RPL31: variants seen among roughly 807,000 people sequenced by gnomAD.
RPL31 encodes the protein ribosomal protein L31.
For synonymous variants in RPL31, 51 were observed against 55.0 expected (o/e 0.93, Z 0.32); for missense variants, 95 against 164.0 (o/e 0.58, Z 2.30).
intron 4 of RPL31, among the ~76,000 whole-genome samples, chr2:101,016,128 G>A (rs184560886): frequency 6.6e-6 from 1 of 152,284 alleles, no homozygotes; most frequent in Non-Finnish European, 1.5e-5. Context: ...CCATCAGAGT[G>A]AACACGCAAT....
chr2:101,018,966 G>A (rs749118890), intron 4 of RPL31: 3 of 1,607,668 alleles, frequency 1.9e-6, no homozygotes, highest in African/African-American at 2.7e-5. Flanking sequence ...ACCTGACATG[G>A]TACCAAATCA....
chr2:101,013,382 G>A (rs1262358853), intron 4 of RPL31, among the ~76,000 whole-genome samples: 1 of 152,150 alleles, frequency 6.6e-6, no homozygotes, highest in East Asian at 1.9e-4. Context: ...AGATATTTGG[G>A]CTGTTTAAAC....
In RPL31 at chr2:101,013,305, A is replaced by C. The variant is rs1444142168; in HGVS notation, c.347-5693A>C. On this transcript the variant is annotated intron_variant, in intron 4 of 4. Transcript: ENST00000409028. ...TGATCAGAAGGATAGGATATTATGC[A>C]TTATGGGAAATAGTAACTACTAAGA... 2.0e-5 allele frequency among the ~76,000 whole-genome samples: 3 copies of C among 152,240 alleles called. No individual in the cohort carries two copies. The East Asian group carries it at 5.8e-4, about 29-fold the overall frequency.
At chr2:101,018,964 T>C in intron 4 of RPL31, 3 of 1,607,172 alleles carry the variant, frequency 1.9e-6, no homozygotes, top group Non-Finnish European at 2.5e-6. Flanking sequence ...TTACCTGACA[T>C]GGTACCAAAT....
chr2:101,004,441 C>A, intron 3 of RPL31, 158 bp downstream of exon 3: 1 of 721,228 alleles, frequency 1.4e-6, no homozygotes, highest in Non-Finnish European at 2.2e-6. Context: ...GTAGTATCTG[C>A]AGGGAAGCCC....
downstream of RPL31, chr2:101,007,658 T>C (rs1264755305): frequency 2.9e-6 from 2 of 688,616 alleles, no homozygotes; most frequent in East Asian, 2.6e-5. Flanking sequence ...TAGAAATGCT[T>C]GAGGGTTGTG....
rs1489736721 is a variant in RPL31, at chr2:101,004,393, AT to A, written c.233+111del. 7 of 1,154,004 alleles carry A rather than the reference AT, an allele frequency of 6.1e-6. No homozygotes were observed. The African/African-American group carries it at 6.7e-5, about 11-fold the overall frequency. 71.5% of individuals were successfully genotyped at this position (1,154,004 alleles called of 1,614,324 possible). A position where few individuals can be genotyped will look rare whatever the true frequency, so the allele number is the denominator to read the frequency against. ...TAATTTGGTTAATGCATGTGGAAGT[AT>A]AAAAAAAAAAAATACTGTGACCGTG... On this transcript the variant is annotated intron_variant, in intron 3 of 4. Coordinates refer to ENST00000264258, the MANE Select transcript of RPL31 (RefSeq NM_000993.5).
At chr2:101,014,536 G>A (rs1230982658) in intron 4 of RPL31, among the ~76,000 whole-genome samples, 1 of 152,146 alleles carries the variant, frequency 6.6e-6, no homozygotes, top group Non-Finnish European at 1.5e-5. Flanking sequence ...TAGAATGACT[G>A]TTTTTTCCCT....
rs571128848 is a variant in RPL31, at chr2:101,002,289, C to T, written c.-27C>T. On this transcript the variant is annotated 5_prime_UTR_variant, in exon 1 of 5. Coordinates refer to ENST00000264258, the MANE Select transcript of RPL31 (RefSeq NM_000993.5). Reference sequence around the variant, plus strand: ...TCCTTCTCCCACAATCCTTCGCGCTCTTCCTTTCCAACTTGGACGCTGCAG... The same window carrying T: ...TCCTTCTCCCACAATCCTTCGCGCTTTTCCTTTCCAACTTGGACGCTGCAG... The T allele has an allele frequency of 1.9e-4, 31 of 165,358 alleles. No homozygotes were observed. Among genetic ancestry groups the T allele is most frequent in the African/African-American group, 3.3e-4 (14 of 41,844 alleles). 10.2% of individuals were successfully genotyped at this position (165,358 alleles called of 1,614,324 possible).
intron 4 of RPL31, among the ~76,000 whole-genome samples, chr2:101,013,976 T>C (rs906653121): frequency 6.6e-6 from 1 of 152,224 alleles, no homozygotes; most frequent in African/African-American, 2.4e-5. Flanking sequence ...GAAATTCCAA[T>C]ACAGCCAAGT....
chr2:101,005,975 A>G lies in RPL31; in HGVS notation c.250A>G (p.Ile84Val). ...TTTTATTAGGAATGTGCCATACCGA[A>G]TCCGTGTGCGGCTGTCCAGAAAACG... ...AKGIRNVPYR[I>V]RVRLSRKRNE... Residue 84 changes from isoleucine (I) to valine (V), a missense_variant, in exon 4 of 5, where the codon ATC (isoleucine) becomes GTC (valine). Ile to Val is a conservative substitution (Grantham distance 29, BLOSUM62 3). Transcript: ENST00000264258. The G allele has an allele frequency of 6.2e-7, 1 of 1,612,828 alleles. No homozygotes were observed. Among genetic ancestry groups the G allele is most frequent in the Non-Finnish European group, 8.5e-7 (1 of 1,179,948 alleles).
downstream of RPL31, chr2:101,007,561 T>C (rs1261589654): frequency 2.1e-6 from 1 of 472,252 alleles, no homozygotes; most frequent in Non-Finnish European, 3.8e-6. Context: ...ACAGCAGAAG[T>C]GCCCATTTCA....
downstream of RPL31, chr2:101,008,339 C>A (rs886951019): frequency 5.5e-6 from 7 of 1,274,210 alleles, 1 homozygote; most frequent in African/African-American, 1.0e-4. Context: ...TTTTTTTAAA[C>A]ATACCTGTGA....
At chr2:101,007,952 A>G, downstream of RPL31, 1 of 1,614,028 alleles carries the variant, frequency 6.2e-7, no homozygotes, top group Non-Finnish European at 8.5e-7. Flanking sequence ...AAGTTGACTA[A>G]TGACTGTTCA....
rs1678706275 is a variant in RPL31, at chr2:101,005,762, ATCCC to A, written c.234-193_234-190del. The A allele has an allele frequency of 1.4e-5, 8 of 584,680 alleles. No individual in the cohort carries two copies. In the South Asian group the frequency reaches 1.7e-4, roughly 13 times the overall value. 36.2% of individuals were successfully genotyped at this position (584,680 alleles called of 1,614,324 possible). A position where few individuals can be genotyped will look rare whatever the true frequency, so the allele number is the denominator to read the frequency against. On this transcript the variant is annotated intron_variant, in intron 3 of 4. Transcript: ENST00000264258. ...TACCTTAACATGTCTTCAAACAAGC[ATCCC>A]TCCTGTGGTAACAGCATTTAATGTT...
At chr2:101,011,726 G>C (rs928320173), downstream of RPL31, among the ~76,000 whole-genome samples, 9 of 152,130 alleles carry the variant, frequency 5.9e-5, no homozygotes, top group Admixed American at 5.9e-4. Context: ...AAAATAAAAT[G>C]TCCCCCACAC....
At chr2:101,017,408 C>T (rs917355587) in intron 4 of RPL31, among the ~76,000 whole-genome samples, 4 of 152,116 alleles carry the variant, frequency 2.6e-5, no homozygotes, top group African/African-American at 9.7e-5. Flanking sequence ...TTTTATACAA[C>T]GGCAATAGAG....
chr2:101,014,073 G>GACC lies in RPL31; in HGVS notation c.347-4924_347-4923insCCA, dbSNP rs575793986. Among the ~76,000 whole-genome samples, 185 of 152,336 alleles carry GACC rather than the reference G, an allele frequency of 1.2e-3. 1 individual carries two copies. Among genetic ancestry groups the GACC allele is most frequent in the Admixed American group, 0.011 (172 of 15,300 alleles). On this transcript the variant is annotated intron_variant, in intron 4 of 4. Coordinates refer to the RPL31 transcript ENST00000409028. Reference sequence around the variant, plus strand: ...ATCACTTGAGATGCAACAGCTACTGGAGGCAGGGATCATACATCCAATTTC... The same window carrying GACC: ...ATCACTTGAGATGCAACAGCTACTGGACCAGGCAGGGATCATACATCCAATTTC...
downstream of RPL31, chr2:101,010,837 G>C: frequency 9.7e-7 from 1 of 1,035,814 alleles, no homozygotes; most frequent in African/African-American, 1.6e-5. Flanking sequence ...GGCTGAGATC[G>C]CGCCACTGTA....
Sources: allele counts gnomAD v4.1 joint callset (sites outside exome capture counted in the v4.1 genomes callset), GRCh38; gene constraint gnomAD v4.1.1; transcripts MANE v1.5; gene names NCBI Gene and HGNC (gene_info 2026-07-23, HGNC 2026-07-21).